ANK3: variants seen among roughly 807,000 people sequenced by gnomAD.
ANK3 encodes ankyrin 3.
ANK3 carries 57 observed loss-of-function variants against 370.9 expected under a neutral mutation model. That is an observed-to-expected ratio of 0.15 (90% CI 0.12 to 0.19). The LOEUF is 0.19. ANK3 is among the 10% of genes least tolerant of loss of function. The probability of loss-of-function intolerance (pLI) is 1.00; values close to 1 mark genes in which losing one functional copy is unlikely to be tolerated. For synonymous variants in ANK3, 1,929 were observed against 1,946.3 expected (o/e 0.99, Z 0.23); for missense variants, 4,439 against 5,302.1 (o/e 0.84, Z 5.06).
At position 60,396,997 on chromosome 10, in the gene ANK3, A is replaced by G. The variant is rs536832604; in HGVS notation, c.97-117358T>C. ...ATGTAAGGAAAGCAAATTCACTTTC[A>G]AAACATTTCTTTCAAGAAGCAACTT... is the stretch of plus-strand genomic sequence containing the variant. On this transcript the variant is annotated intron_variant, in intron 2 of 43. Coordinates refer to the ANK3 transcript ENST00000373827. Among the ~76,000 whole-genome samples the G allele has an allele frequency of 1.8e-4, 27 of 152,334 alleles. No homozygotes were observed. The South Asian group carries it at 5.6e-3, about 32-fold the overall frequency.
intron 23 of ANK3, chr10:60,141,087 G>C: frequency 1.7e-4 from 150 of 891,654 alleles, no homozygotes; most frequent in Middle Eastern, 5.8e-4. Flanking sequence ...GAGAGGGAGG[G>C]CCTGCCCTTG....
chr10:60,055,654 G>T lies in ANK3; in HGVS notation c.13065+4C>A. 1.9e-6 allele frequency: 3 copies of T among 1,597,224 alleles called. No individual in the cohort carries two copies. The highest frequency in any genetic ancestry group is 1.8e-4 in the Middle Eastern group (1 of 5,606). ...GACTGCTACCGGATGACCAGATGAC[G>T]TACCTTTTGCTCAGACCCACTGGAC... is the stretch of plus-strand genomic sequence containing the variant. On this transcript the variant is annotated splice_donor_region_variant and intron_variant, in intron 42 of 43. Transcript: ENST00000280772.
intron 1 of ANK3, among the ~76,000 whole-genome samples, chr10:60,382,210 G>C (rs1301611295): frequency 6.6e-6 from 1 of 151,992 alleles, no homozygotes. Context: ...CCCTCTTAGG[G>C]CCTAGTTCTA....
intron 8 of ANK3, among the ~76,000 whole-genome samples, chr10:60,221,456 T>C (rs1346968911): frequency 6.6e-6 from 1 of 152,156 alleles, no homozygotes; most frequent in Non-Finnish European, 1.5e-5. Flanking sequence ...GACAGAATAT[T>C]ATAACGAACC....
intron 43 of ANK3, among the ~76,000 whole-genome samples, chr10:60,033,514 CAAAAAAAAA>C (rs537623584): frequency 5.9e-5 from 3 of 50,658 alleles, no homozygotes; most frequent in Middle Eastern, 0.01. Flanking sequence ...GACTCAGTCT[CAAAAAAAAA>C]AAAAAAAAAA....
At chr10:60,122,268 G>A (rs1480628259) in intron 25 of ANK3, among the ~76,000 whole-genome samples, 1 of 152,216 alleles carries the variant, frequency 6.6e-6, no homozygotes, top group Admixed American at 6.5e-5. Context: ...AGCCAGGAAG[G>A]TTCTGCTCAG....
chr10:60,084,861 ATGTGGCTATT>A, intron 31 of ANK3, 31 bp from the exon 32 acceptor site: 5 of 1,473,072 alleles, frequency 3.4e-6, no homozygotes, highest in Non-Finnish European at 4.5e-6. Flanking sequence ...AAGTATGAAA[ATGTGGCTATT>A]TAAAAGCCAA....
intron 1 of ANK3, among the ~76,000 whole-genome samples, chr10:60,280,183 C>G (rs2098140642): frequency 6.6e-6 from 1 of 152,162 alleles, no homozygotes; most frequent in Non-Finnish European, 1.5e-5. Flanking sequence ...CAGCCTCAGC[C>G]TCCTCAGTAG....
Position 60,279,152 on chromosome 10 carries a change from A to G in ANK3, c.217-4T>C. The G allele has an allele frequency of 6.2e-7, 1 of 1,613,320 alleles. No homozygotes were observed. The highest frequency in any genetic ancestry group is 1.1e-5 in the South Asian group (1 of 91,078). Reference sequence around the variant, plus strand: ...GGTGGAGAGCGTTCAACCCATTCTGATTAAAAGTAAAGGAAAAGCTCTACT... The same window carrying G: ...GGTGGAGAGCGTTCAACCCATTCTGGTTAAAAGTAAAGGAAAAGCTCTACT... On this transcript the variant is annotated splice_polypyrimidine_tract_variant and splice_region_variant and intron_variant, in intron 2 of 43. Transcript: ENST00000280772.
At chr10:60,243,566 G>A (rs1421576415) in intron 7 of ANK3, among the ~76,000 whole-genome samples, 4 of 152,032 alleles carry the variant, frequency 2.6e-5, no homozygotes, top group Non-Finnish European at 5.9e-5. Flanking sequence ...ACAAGTCTGT[G>A]GTATTCTGTT....
At chr10:60,511,855 C>A (rs2076090088) in intron 2 of ANK3, among the ~76,000 whole-genome samples, 1 of 150,732 alleles carries the variant, frequency 6.6e-6, no homozygotes, top group African/African-American at 2.4e-5. Context: ...ATTTTCCTAT[C>A]TAAAGAGAGA....
intron 1 of ANK3, among the ~76,000 whole-genome samples, chr10:60,725,411 C>T (rs909538437): frequency 6.6e-6 from 1 of 152,134 alleles, no homozygotes; most frequent in Non-Finnish European, 1.5e-5. Flanking sequence ...CCTGTAGGAA[C>T]GGAATTGCTG....
chr10:60,367,843 C>T (rs903142216), intron 1 of ANK3, among the ~76,000 whole-genome samples: 1 of 152,302 alleles, frequency 6.6e-6, no homozygotes, highest in South Asian at 2.1e-4. Flanking sequence ...ATAACCATCG[C>T]TTTCAGAAAT....
Position 60,071,883 on chromosome 10 carries a change from T to C in ANK3, c.8998A>G (p.Ser3000Gly). ...LSQKLSQSSM[S>G]KETVETQHFN... ...TGCTGTGTCTCAACTGTCTCTTTAC[T>C]CATGCTTGACTGGGACAATTTTTGT... Residue 3000 changes from serine to glycine, a missense_variant, in exon 37 of 44, where the codon AGT (serine) becomes GGT (glycine). Ser to Gly is a moderately conservative substitution (Grantham distance 56). Coordinates refer to ENST00000280772, the MANE Select transcript of ANK3 (RefSeq NM_020987.5). 1 of 1,614,120 alleles carries C rather than the reference T, an allele frequency of 6.2e-7. No homozygotes were observed. Among genetic ancestry groups the C allele is most frequent in the Non-Finnish European group, 8.5e-7 (1 of 1,179,998 alleles).
chr10:60,265,373 T>C (rs1406639811), intron 5 of ANK3, among the ~76,000 whole-genome samples: 1 of 152,136 alleles, frequency 6.6e-6, no homozygotes, highest in Non-Finnish European at 1.5e-5. Flanking sequence ...ACATACTCTA[T>C]ACATTTTGAC....
Position 60,270,119 on chromosome 10 carries a change from A to AG in ANK3, c.513+11_513+12insC, listed in dbSNP as rs2097947985. ...ACGTGAACTCACCCACAGGAAAAAA[A>AG]CAGTATCTTACCTCTGTGGCTAGGC... is the stretch of plus-strand genomic sequence containing the variant. On this transcript the variant is annotated intron_variant, in intron 5 of 43. Coordinates refer to ENST00000280772, the MANE Select transcript of ANK3 (RefSeq NM_020987.5). 1.3e-6 allele frequency: 2 copies of AG among 1,522,632 alleles called. No homozygotes were observed. The highest frequency in any genetic ancestry group is 2.1e-5 in the Admixed American group (1 of 48,746). 94.3% of individuals were successfully genotyped at this position (1,522,632 alleles called of 1,614,324 possible). A position where few individuals can be genotyped will look rare whatever the true frequency, so the allele number is the denominator to read the frequency against.
chr10:60,481,503 C>T (rs1311190017), intron 2 of ANK3, among the ~76,000 whole-genome samples: 1 of 152,090 alleles, frequency 6.6e-6, no homozygotes, highest in East Asian at 1.9e-4. Flanking sequence ...TGCTCTGTTG[C>T]CCAAGCTGGA....
intron 1 of ANK3, among the ~76,000 whole-genome samples, chr10:60,638,941 G>A (rs1305034420): frequency 6.6e-6 from 1 of 151,930 alleles, no homozygotes; most frequent in African/African-American, 2.4e-5. Context: ...AAAGAAAGGG[G>A]GGAGAAGTAC....
chr10:60,534,116 A>G (rs2076669149), intron 2 of ANK3, among the ~76,000 whole-genome samples: 1 of 152,144 alleles, frequency 6.6e-6, no homozygotes, highest in Non-Finnish European at 1.5e-5. Context: ...ATTTCAGAAT[A>G]GTAACAATAA....
Sources: allele counts gnomAD v4.1 joint callset (sites outside exome capture counted in the v4.1 genomes callset), GRCh38; gene constraint gnomAD v4.1.1; transcripts MANE v1.5; gene names NCBI Gene and HGNC (gene_info 2026-07-23, HGNC 2026-07-21).